Variants in LIPI observed in about 807,000 individuals in gnomAD.
LIPI encodes lipase member I.
LIPI carries 59 observed loss-of-function variants against 50.6 expected under a neutral mutation model. The ratio of observed to expected loss-of-function variants is 1.16; its 90% CI spans 0.94 to 1.45. LIPI has a LOEUF of 1.45. LIPI is among the 40% of genes most tolerant of loss of function. The pLI is 0.00. For synonymous variants in LIPI, 203 were observed against 178.2 expected (o/e 1.14, Z -1.11); for missense variants, 586 against 536.3 (o/e 1.09, Z -0.92).
intron 3 of LIPI, among the ~76,000 whole-genome samples, chr21:14,183,215 G>A (rs1458345898): frequency 6.6e-6 from 1 of 152,196 alleles, no homozygotes; most frequent in Non-Finnish European, 1.5e-5. Flanking sequence ...AGAAAAACAA[G>A]AAATGGGGAA....
chr21:14,181,868 C>G lies in LIPI; in HGVS notation c.542-9G>C, dbSNP rs1439936741. The G allele has an allele frequency of 6.5e-7, 1 of 1,528,202 alleles. No homozygotes were observed. The highest frequency in any genetic ancestry group is 9.1e-7 in the Non-Finnish European group (1 of 1,103,262). 94.7% of individuals were successfully genotyped at this position (1,528,202 alleles called of 1,614,324 possible). On this transcript the variant is annotated splice_polypyrimidine_tract_variant and intron_variant, in intron 3 of 9. Transcript: ENST00000681601. ...CCCAGCAGGGTCAAGACCTGGAAAG[C>G]AAGAAAGAAATAATCAGTCTCATCA...
chr21:14,111,644 C>A (rs1038138715), intron 9 of LIPI, among the ~76,000 whole-genome samples: 4 of 151,916 alleles, frequency 2.6e-5, no homozygotes, highest in Non-Finnish European at 5.9e-5. Context: ...CTTTTGAGGT[C>A]ATATCCAAAA....
At chr21:14,120,835 A>G (rs528138641) in intron 9 of LIPI, among the ~76,000 whole-genome samples, 6 of 152,306 alleles carry the variant, frequency 3.9e-5, no homozygotes, top group African/African-American at 1.4e-4. Flanking sequence ...CATGGGGAAG[A>G]CAGCTTTAGA....
intron 7 of LIPI, among the ~76,000 whole-genome samples, chr21:14,153,674 T>C (rs1205049977): frequency 6.6e-6 from 1 of 152,148 alleles, no homozygotes; most frequent in African/African-American, 2.4e-5. Context: ...CAGAGCCTGT[T>C]GTAGCATGAA....
At chr21:14,201,479 T>C (rs1490222035) in intron 1 of LIPI, among the ~76,000 whole-genome samples, 2 of 152,094 alleles carry the variant, frequency 1.3e-5, no homozygotes, top group East Asian at 1.9e-4. Context: ...TCAAGAAGCT[T>C]ATCCACCATG....
chr21:14,209,994 C>T (rs1467925669), intron 1 of LIPI, among the ~76,000 whole-genome samples: 1 of 151,484 alleles, frequency 6.6e-6, no homozygotes, highest in Non-Finnish European at 1.5e-5. Context: ...TCTCAAATAG[C>T]CAATTGAAAA....
At position 14,185,045 on chromosome 21, in the gene LIPI, T is replaced by C. The variant is rs547392155; in HGVS notation, c.541+916A>G. On this transcript the variant is annotated intron_variant, in intron 3 of 9. Transcript: ENST00000681601. ...TTCTATGGCCATAGATATGAATAAT[T>C]GCTTTTTTTTCAAAACAAAAAAGGT... Among the ~76,000 whole-genome samples the C allele has an allele frequency of 3.9e-5, 6 of 152,318 alleles. No individual in the cohort carries two copies. In the South Asian group the frequency reaches 1.2e-3, roughly 32 times the overall value.
chr21:14,125,510 C>T (rs888216765), intron 9 of LIPI, among the ~76,000 whole-genome samples: 1 of 152,050 alleles, frequency 6.6e-6, no homozygotes, highest in Non-Finnish European at 1.5e-5. Flanking sequence ...ACAGATGGAC[C>T]GAACAGAAAA....
intron 1 of LIPI, among the ~76,000 whole-genome samples, chr21:14,205,095 C>T (rs376464206): frequency 2.0e-5 from 3 of 151,668 alleles, no homozygotes; most frequent in East Asian, 3.9e-4. Context: ...CAGATATTTT[C>T]TAAAAATATT....
At chr21:14,152,708 C>A (rs373420675) in intron 7 of LIPI, 24 bp from the exon 8 acceptor site, 33 of 1,166,592 alleles carry the variant, frequency 2.8e-5, no homozygotes, top group African/African-American at 2.6e-4. Context: ...ATATAGAATA[C>A]AACTCACATT....
At chr21:14,134,678 A>T (rs1416193488) in intron 9 of LIPI, among the ~76,000 whole-genome samples, 1 of 152,118 alleles carries the variant, frequency 6.6e-6, no homozygotes, top group Non-Finnish European at 1.5e-5. Context: ...TCAACAAAAT[A>T]ACACACTGAT....
In LIPI at chr21:14,197,670, G is replaced by A. The variant is rs939939666; in HGVS notation, c.47-8251C>T. ...CTGGTGTACCTGAAAGAGATGAGGA[G>A]AATAGAACAAAATTGGAAAACATAT... On this transcript the variant is annotated intron_variant, in intron 1 of 9. Transcript: ENST00000681601. Among the ~76,000 whole-genome samples the A allele has an allele frequency of 6.6e-5, 10 of 152,114 alleles. No homozygotes were observed. The East Asian group carries it at 9.7e-4, about 15-fold the overall frequency.
chr21:14,120,247 A>G (rs1018522962), intron 9 of LIPI, among the ~76,000 whole-genome samples: 1 of 152,222 alleles, frequency 6.6e-6, no homozygotes, highest in Non-Finnish European at 1.5e-5. Context: ...CAGATTTGCC[A>G]TAGTCACATT....
At chr21:14,199,623 A>C (rs2019982911) in intron 1 of LIPI, among the ~76,000 whole-genome samples, 1 of 151,688 alleles carries the variant, frequency 6.6e-6, no homozygotes, top group East Asian at 1.9e-4. Flanking sequence ...AAAAAGCCTA[A>C]GAAAAGTCTG....
At chr21:14,189,806 A>G (rs183156273) in intron 1 of LIPI, among the ~76,000 whole-genome samples, 84 of 152,224 alleles carry the variant, frequency 5.5e-4, no homozygotes, top group Non-Finnish European at 6.2e-4. Context: ...GCATTAGCAT[A>G]AAATATATTT....
At chr21:14,163,160 G>A (rs2018552894) in intron 7 of LIPI, among the ~76,000 whole-genome samples, 1 of 151,384 alleles carries the variant, frequency 6.6e-6, no homozygotes, top group Non-Finnish European at 1.5e-5. Flanking sequence ...AGGTGAAAAG[G>A]GCAATATGCA....
intron 9 of LIPI, 197 bp downstream of exon 9, chr21:14,144,426 T>G (rs889100229): frequency 2.3e-5 from 10 of 431,410 alleles, no homozygotes; most frequent in East Asian, 3.6e-5. Context: ...GATTAGACAA[T>G]GAGATTCCCA....
chr21:14,117,286 A>G (rs1478850788), intron 9 of LIPI, among the ~76,000 whole-genome samples: 4 of 151,096 alleles, frequency 2.6e-5, no homozygotes, highest in African/African-American at 9.8e-5. Context: ...GCTCTTATTG[A>G]CCTAATGCTG....
intron 9 of LIPI, among the ~76,000 whole-genome samples, chr21:14,138,362 G>A (rs1257551960): frequency 6.6e-6 from 1 of 152,084 alleles, no homozygotes; most frequent in Non-Finnish European, 1.5e-5. Flanking sequence ...CTTTTTGGCT[G>A]TTCTTCAGTG....
Sources: gnomAD v4.1 joint callset for allele counts (sites outside exome capture counted in the v4.1 genomes callset) on GRCh38, gnomAD v4.1.1 for gene constraint, MANE v1.5 for transcripts, NCBI Gene and HGNC (gene_info 2026-07-23, HGNC 2026-07-21) for gene names.